ZNF607: variants seen among roughly 807,000 people sequenced by gnomAD.
ZNF607 encodes zinc finger protein 607.
Under a neutral mutation model 12.8 loss-of-function variants are expected in ZNF607, and 5 were observed. The observed-to-expected ratio is 0.39, with a 90% CI of 0.20 to 0.82. The LOEUF (loss-of-function observed/expected upper bound fraction) is 0.82. ZNF607 is among the 40% of genes least tolerant of loss of function. ZNF607 has a pLI of 0.39. For missense variants in ZNF607, 851 were observed against 859.2 expected (o/e 0.99, Z 0.12); for synonymous variants, 287 against 276.2 (o/e 1.04, Z -0.39).
rs991650184 is a variant in ZNF607 at position 37,719,673 on chromosome 19, T to A, written c.-479A>T. On this transcript the variant is annotated 5_prime_UTR_variant, in exon 1 of 5. Coordinates refer to ENST00000355202, the MANE Select transcript of ZNF607 (RefSeq NM_032689.5). ...TACCGGTGAGAAATGGAGTCCAGAATCCTAAAAACCTACGAGAAATACGGC... is the reference window on the plus strand; with the variant it reads ...TACCGGTGAGAAATGGAGTCCAGAAACCTAAAAACCTACGAGAAATACGGC... 3.3e-5 allele frequency: 5 copies of A among 152,252 alleles called. No homozygotes were observed. The highest frequency in any genetic ancestry group is 7.3e-5 in the Non-Finnish European group (5 of 68,114). The allele number at this position is 152,252 out of a possible 1,614,324, so 9.4% of individuals were successfully genotyped here.
rs998554996 is a variant in ZNF607 at position 37,708,148 on chromosome 19, A to C, written c.137-136T>G. ...AGAAGAGTGAGGGAAATAAAGAAAA[A>C]GATCACCCAGGGAGAGTCAATGTTT... On this transcript the variant is annotated intron_variant, in intron 3 of 4. Coordinates refer to ENST00000355202, the MANE Select transcript of ZNF607 (RefSeq NM_032689.5). The C allele has an allele frequency of 2.6e-5, 17 of 657,122 alleles. No homozygotes were observed. The Admixed American group carries it at 4.7e-4, about 18-fold the overall frequency. 40.7% of individuals were successfully genotyped at this position (657,122 alleles called of 1,614,324 possible).
rs547129307 is a variant in ZNF607 at position 37,704,952 on chromosome 19, AAAAC to A, written c.235+2958_235+2961del. ...GGCAACAGAGCGAGACTCTGTCTAAAAAACAAACAAACAAACAAACAAAACAAAA... is the reference window on the plus strand; with the variant it reads ...GGCAACAGAGCGAGACTCTGTCTAAAAAACAAACAAACAAACAAAACAAAA... On this transcript the variant is annotated intron_variant, in intron 4 of 4. Transcript: ENST00000355202. Among the ~76,000 whole-genome samples the A allele has an allele frequency of 5.9e-3, 904 of 152,206 alleles. 10 individuals carry two copies. The highest frequency in any genetic ancestry group is 0.02 in the African/African-American group (847 of 41,520).
intron 4 of ZNF607, among the ~76,000 whole-genome samples, chr19:37,705,810 C>T (rs2045077954): frequency 6.6e-6 from 1 of 151,994 alleles, no homozygotes; most frequent in Admixed American, 6.6e-5. Context: ...TCTTTCTCTT[C>T]CTTTCTCTCT....
intron 4 of ZNF607, among the ~76,000 whole-genome samples, chr19:37,705,521 C>G (rs1459392086): frequency 1.3e-5 from 2 of 151,848 alleles, no homozygotes; most frequent in Admixed American, 1.3e-4. Context: ...CCTGTCTCTA[C>G]TAAAAATACA....
At position 37,699,028 on chromosome 19, in the gene ZNF607, T is replaced by C; in HGVS notation, c.1103A>G (p.Glu368Gly). The stretch of plus-strand genomic sequence containing the variant: ...CACACTAAAGGCTTTCCCACATTCC[T>C]CACACTTATAAGGTTTCTCAACACT... ...FESVEKPYKC[E>G]ECGKAFSVHG... Residue 368 changes from glutamate to glycine, a missense_variant, in exon 5 of 5, where the codon GAG becomes GGG. Physicochemically the swap from Glu to Gly is moderately conservative, Grantham distance 98. Transcript: ENST00000355202. The C allele has an allele frequency of 6.2e-7, 1 of 1,614,078 alleles. No homozygotes were observed. The highest frequency in any genetic ancestry group is 8.5e-7 in the Non-Finnish European group (1 of 1,180,004).
At position 37,707,895 on chromosome 19, in the gene ZNF607, CT is replaced by C; in HGVS notation, c.235+18del. 2 of 1,597,880 alleles carry C rather than the reference CT, an allele frequency of 1.3e-6. No individual in the cohort carries two copies. The highest frequency in any genetic ancestry group is 1.1e-5 in the South Asian group (1 of 88,062). On this transcript the variant is annotated intron_variant, in intron 4 of 4. Transcript: ENST00000355202. The stretch of plus-strand genomic sequence containing the variant: ...TATTTGCATACAAAAATGGCTGCCC[CT>C]GCCTGACTTGCTCTTACCTGTACAC...
chr19:37,698,981 G>A lies in ZNF607; in HGVS notation c.1150C>T (p.Gln384Ter), dbSNP rs771390466. The change falls in exon 5 of 5, where the codon CAG becomes TAG. Residue 384 changes from glutamine (Q) to a stop codon, truncating the protein, a stop_gained. Coordinates refer to ENST00000355202, the MANE Select transcript of ZNF607 (RefSeq NM_032689.5). LOFTEE classifies it low-confidence loss of function (END_TRUNC). ...GGTTTCTTACCACTATGAATACCCT[G>A]ATGTCGAGTAAGTCGTCCATGCACA... ...FSVHGRLTRH[Q>*]GIHSGKKPYE... 4.8e-5 allele frequency: 77 copies of A among 1,613,762 alleles called. 1 individual carries two copies. The Middle Eastern group carries it at 8.2e-4, about 17-fold the overall frequency.
chr19:37,703,985 A>G (rs1184938311), intron 4 of ZNF607, among the ~76,000 whole-genome samples: 2 of 152,092 alleles, frequency 1.3e-5, no homozygotes, highest in Non-Finnish European at 2.9e-5. Context: ...AAATACAAAA[A>G]TTAGCTGGGT....
chr19:37,699,738 T>G lies in ZNF607; in HGVS notation c.393A>C (p.Val131=). The change falls in exon 5 of 5, where the codon GTA becomes GTC. Residue 131 remains valine, a synonymous_variant. Coordinates refer to ENST00000355202, the MANE Select transcript of ZNF607 (RefSeq NM_032689.5). The part of the protein sequence containing the change: ...KSFSHLTELM[V]HQTIHTSEEP... ...CCTCACTAGTATGAATTGTTTGATG[T>G]ACCATGAGTTCTGTAAGATGACTAA... 6.2e-7 allele frequency: 1 copy of G among 1,614,088 alleles called. No homozygotes were observed. The highest frequency in any genetic ancestry group is 8.5e-7 in the Non-Finnish European group (1 of 1,180,006).
chr19:37,701,239 A>C (rs570963957), intron 4 of ZNF607, among the ~76,000 whole-genome samples: 58 of 152,384 alleles, frequency 3.8e-4, no homozygotes, highest in African/African-American at 1.4e-3. Flanking sequence ...TAAACAAAAC[A>C]ATAAAAATAG....
In ZNF607 at chr19:37,699,901, A is replaced by C; in HGVS notation, c.236-6T>G. ...TTCACATCTTGAATCCAAATCTAGA[A>C]GACATAAAATAAAAACATTTTATTG... On this transcript the variant is annotated splice_region_variant and splice_polypyrimidine_tract_variant and intron_variant, in intron 4 of 4. Transcript: ENST00000355202. 1 of 1,559,546 alleles carries C rather than the reference A, an allele frequency of 6.4e-7. No individual in the cohort carries two copies. The highest frequency in any genetic ancestry group is 8.6e-7 in the Non-Finnish European group (1 of 1,157,346).
intron 1 of ZNF607, among the ~76,000 whole-genome samples, chr19:37,715,014 C>G (rs1322175482): frequency 2.0e-5 from 3 of 151,978 alleles, no homozygotes; most frequent in African/African-American, 7.2e-5. Flanking sequence ...TCAAGCTATT[C>G]TCCTGCCTCA....
rs536923203 is a variant in ZNF607, at chr19:37,718,718, C to G, written c.-75+551G>C. 9.9e-4 allele frequency among the ~76,000 whole-genome samples: 151 copies of G among 152,320 alleles called. 2 individuals carry two copies. Among genetic ancestry groups the G allele is most frequent in the African/African-American group, 3.5e-3 (144 of 41,578 alleles). On this transcript the variant is annotated intron_variant, in intron 1 of 4. Coordinates refer to ENST00000355202, the MANE Select transcript of ZNF607 (RefSeq NM_032689.5). ...CTTTCGCCTCCGTATCTTCATCCTC[C>G]ACCGTCCCCCAGGTCTCTCTCTCCA...
Position 37,709,755 on chromosome 19 carries a change from A to G in ZNF607, c.77T>C (p.Val26Ala), listed in dbSNP as rs763965501. 3.1e-6 allele frequency: 5 copies of G among 1,614,160 alleles called. No homozygotes were observed. Among genetic ancestry groups the G allele is most frequent in the Middle Eastern group, 3.3e-4 (2 of 6,062 alleles). The change falls in exon 3 of 5, where the codon GTT (valine) becomes GCT (alanine). Residue 26 changes from valine to alanine, a missense_variant. Transcript: ENST00000355202. ...SHQEWEYLSL[V>A]QKTLYQEVMM... The stretch of plus-strand genomic sequence containing the variant: ...CACCTCCTGGTACAAGGTCTTCTGA[A>G]CCAGGCTGAGATATTCCCACTCCTG...
intron 3 of ZNF607, among the ~76,000 whole-genome samples, chr19:37,709,344 T>C (rs1402790276): frequency 6.6e-6 from 1 of 152,202 alleles, no homozygotes; most frequent in African/African-American, 2.4e-5. Flanking sequence ...TGGAGCACTA[T>C]AGCAATTCTG....
chr19:37,699,181 C>A lies in ZNF607; in HGVS notation c.950G>T (p.Gly317Val). ...KPYECKECGK[G>V]FTCRYQLTMH... ...GGTAAGTTGATACCTACATGTAAAG[C>A]CCTTCCCGCATTCCTTGCATTCATA... is the stretch of plus-strand genomic sequence containing the variant. Residue 317 changes from glycine to valine, a missense_variant, in exon 5 of 5, where the codon GGC becomes GTC. Gly to Val is a moderately radical substitution (Grantham distance 109). Coordinates refer to ENST00000355202, the MANE Select transcript of ZNF607 (RefSeq NM_032689.5). 1 of 1,614,130 alleles carries A rather than the reference C, an allele frequency of 6.2e-7. No individual in the cohort carries two copies. The highest frequency in any genetic ancestry group is 1.1e-5 in the South Asian group (1 of 91,072).
At chr19:37,716,613 C>T (rs1210390018) in intron 1 of ZNF607, among the ~76,000 whole-genome samples, 1 of 152,178 alleles carries the variant, frequency 6.6e-6, no homozygotes, top group Non-Finnish European at 1.5e-5. Context: ...GACAAAACCA[C>T]ACACAAGTGC....
chr19:37,712,437 G>C (rs1172709021), intron 1 of ZNF607, among the ~76,000 whole-genome samples: 1 of 152,156 alleles, frequency 6.6e-6, no homozygotes, highest in Non-Finnish European at 1.5e-5. Context: ...CTTGAGCCCA[G>C]GAGTTCAAGG....
intron 1 of ZNF607, among the ~76,000 whole-genome samples, chr19:37,715,790 T>C (rs1450256104): frequency 6.6e-6 from 1 of 152,150 alleles, no homozygotes; most frequent in African/African-American, 2.4e-5. Flanking sequence ...ATACAAACAT[T>C]TATGTGAGTA....
Sources: gnomAD v4.1 joint callset for allele counts (sites outside exome capture counted in the v4.1 genomes callset) on GRCh38, gnomAD v4.1.1 for gene constraint, MANE v1.5 for transcripts, NCBI Gene and HGNC (gene_info 2026-07-23, HGNC 2026-07-21) for gene names.